R3HDM1: variants seen among roughly 807,000 people sequenced by gnomAD.
The protein encoded by R3HDM1 is R3H domain containing 1.
A neutral mutation model predicts 141.1 loss-of-function variants in R3HDM1; 46 were observed. The ratio of observed to expected loss-of-function variants is 0.33; its 90% CI spans 0.26 to 0.42. The LOEUF is 0.42. Ranked by LOEUF, R3HDM1 falls within the 10% of genes least tolerant of loss-of-function variation. The pLI is 1.00. For synonymous variants in R3HDM1, 435 were observed against 472.9 expected, an observed-to-expected ratio of 0.92 and a Z score of 1.04; for missense variants, 1,184 against 1,368.3, an observed-to-expected ratio of 0.87 and a Z score of 2.12.
At chr2:135,647,950 T>C (rs1345240314) in intron 16 of R3HDM1, among the ~76,000 whole-genome samples, 1 of 152,216 alleles carries the variant, frequency 6.6e-6, no homozygotes, top group South Asian at 2.1e-4. Flanking sequence ...CGGGAAGACA[T>C]TAATTCATAC....
At chr2:135,654,953 G>A (rs2065644030) in intron 18 of R3HDM1, among the ~76,000 whole-genome samples, 1 of 150,572 alleles carries the variant, frequency 6.6e-6, no homozygotes, top group African/African-American at 2.4e-5. Context: ...CTGGATACTA[G>A]ACCCTTGTCA....
At chr2:135,592,732 C>A (rs1399127998) in intron 1 of R3HDM1, among the ~76,000 whole-genome samples, 1 of 151,142 alleles carries the variant, frequency 6.6e-6, no homozygotes, top group African/African-American at 2.4e-5. Context: ...TTTTTTTCCT[C>A]CATGTAGTTT....
chr2:135,532,836 G>C (rs1695214845), intron 1 of R3HDM1, among the ~76,000 whole-genome samples: 1 of 152,186 alleles, frequency 6.6e-6, no homozygotes, highest in Non-Finnish European at 1.5e-5. Flanking sequence ...ATCACATTTT[G>C]ATGGAGTACG....
chr2:135,618,713 A>G (rs1448589864), intron 5 of R3HDM1, among the ~76,000 whole-genome samples: 2 of 152,132 alleles, frequency 1.3e-5, no homozygotes, highest in Non-Finnish European at 2.9e-5. Context: ...GTTTTTTGAA[A>G]CAGCACTTTT....
At chr2:135,573,226 T>C (rs1704553102) in intron 1 of R3HDM1, among the ~76,000 whole-genome samples, 1 of 152,220 alleles carries the variant, frequency 6.6e-6, no homozygotes, top group South Asian at 2.1e-4. Flanking sequence ...ACAGTAGTGG[T>C]CATCGATCTA....
chr2:135,646,008 A>G (rs1191043515), intron 16 of R3HDM1, among the ~76,000 whole-genome samples: 1 of 152,136 alleles, frequency 6.6e-6, no homozygotes, highest in Non-Finnish European at 1.5e-5. Flanking sequence ...TCTCAGTAAT[A>G]TTTTGAGTTT....
At chr2:135,650,707 G>T in intron 17 of R3HDM1, 1 of 982,688 alleles carries the variant, frequency 1.0e-6, no homozygotes, top group Non-Finnish European at 1.2e-6. Flanking sequence ...AGTGACAGTT[G>T]GGGAAGAGAA....
intron 1 of R3HDM1, among the ~76,000 whole-genome samples, chr2:135,537,474 C>A (rs1410712403): frequency 6.6e-6 from 1 of 150,922 alleles, no homozygotes; most frequent in East Asian, 1.9e-4. Context: ...TTAGTAGAGA[C>A]AGGATTTTGC....
chr2:135,671,614 C>A lies in R3HDM1; in HGVS notation c.2153-3718C>A, dbSNP rs372223174. On this transcript the variant is annotated intron_variant, in intron 19 of 26. Transcript: ENST00000683871. ...GAACTCCTGACGTCAGGTGATCTACCCACCTCGGCCTCCCAAAGTGCTGGG... is the reference window on the plus strand; with the variant it reads ...GAACTCCTGACGTCAGGTGATCTACACACCTCGGCCTCCCAAAGTGCTGGG... 3.3e-5 allele frequency among the ~76,000 whole-genome samples: 5 copies of A among 151,736 alleles called. No homozygotes were observed. The East Asian group carries it at 9.9e-4, about 30-fold the overall frequency.
intron 1 of R3HDM1, among the ~76,000 whole-genome samples, chr2:135,564,232 C>T (rs936974122): frequency 9.2e-5 from 14 of 152,182 alleles, no homozygotes; most frequent in Non-Finnish European, 1.6e-4. Context: ...TTCTTTCTTA[C>T]CATGTGTAAT....
At chr2:135,672,737 T>TTGTGTGTGTGCTTGTG (rs1342047382) in intron 19 of R3HDM1, among the ~76,000 whole-genome samples, 1 of 151,894 alleles carries the variant, frequency 6.6e-6, no homozygotes, top group East Asian at 1.9e-4. Flanking sequence ...GTGCGTGTGT[T>TTGTGTGTGTGCTTGTG]TGTGTGTGTG....
intron 21 of R3HDM1, among the ~76,000 whole-genome samples, chr2:135,686,714 A>G (rs313525): frequency 0.029 from 4,464 of 152,262 alleles, 200 homozygotes; most frequent in African/African-American, 0.093. Flanking sequence ...ATTCCAGCTT[A>G]GGCGACAGAG....
At chr2:135,608,364 T>C (rs986403899) in intron 3 of R3HDM1, among the ~76,000 whole-genome samples, 3 of 151,942 alleles carry the variant, frequency 2.0e-5, no homozygotes, top group Non-Finnish European at 4.4e-5. Flanking sequence ...GTAAGAATAT[T>C]GACCCTGCTT....
At chr2:135,644,728 T>C (rs1448863335) in intron 15 of R3HDM1, among the ~76,000 whole-genome samples, 1 of 152,166 alleles carries the variant, frequency 6.6e-6, no homozygotes, top group African/African-American at 2.4e-5. Flanking sequence ...AACTGAAATA[T>C]AGCCTTATAG....
At chr2:135,596,061 C>T (rs577451932) in intron 1 of R3HDM1, among the ~76,000 whole-genome samples, 75 of 152,178 alleles carry the variant, frequency 4.9e-4, no homozygotes, top group African/African-American at 1.7e-3. Flanking sequence ...TGCAGTGGTG[C>T]GATCTCAGCT....
intron 18 of R3HDM1, among the ~76,000 whole-genome samples, chr2:135,660,248 T>G (rs1046240642): frequency 1.1e-4 from 17 of 152,034 alleles, no homozygotes; most frequent in South Asian, 2.1e-4. Flanking sequence ...AGTTTTTTGG[T>G]TTTTTTTGGG....
At chr2:135,709,406 T>C (rs2075360253) in intron 21 of R3HDM1, 27 bp from the exon 22 acceptor site, 1 of 1,613,032 alleles carries the variant, frequency 6.2e-7, no homozygotes, top group African/African-American at 1.3e-5. Context: ...CTCCTCTCAT[T>C]ATGCTGTTTT....
rs1467777683 is a variant in R3HDM1 at position 135,616,753 on chromosome 2, A to C, written c.299A>C (p.Asn100Thr). ...CCTGCACCAGAGATATCACAGGAGA[A>C]CCAGGTAAAAAAGCAAAACAAATGT... ...PPPAPEISQE[N>T]QEKIQIQLTQ... The change falls in exon 5 of 27, where the codon AAC (asparagine) becomes ACC (threonine). Residue 100 changes from asparagine to threonine, a missense_variant. By Grantham distance (65) the Asn-to-Thr change is moderately conservative (BLOSUM62 0). Around this residue, in one of 5 missense-constraint regions of R3HDM1, gnomAD observed 192 missense variants for 215.7 expected, o/e 0.89. Coordinates refer to ENST00000683871, the MANE Select transcript of R3HDM1 (RefSeq NM_001378107.1). 2 of 1,597,012 alleles carry C rather than the reference A, an allele frequency of 1.3e-6. No homozygotes were observed. Among genetic ancestry groups the C allele is most frequent in the Non-Finnish European group, 1.7e-6 (2 of 1,167,458 alleles).
At chr2:135,549,139 G>A (rs1699315433) in intron 1 of R3HDM1, among the ~76,000 whole-genome samples, 1 of 152,070 alleles carries the variant, frequency 6.6e-6, no homozygotes. Context: ...ATATTAATTA[G>A]GTGTAATTAA....
Sources: gnomAD v4.1 joint callset for allele counts (sites outside exome capture counted in the v4.1 genomes callset) on GRCh38, gnomAD v4.1.1 for gene constraint, gnomAD v4.1.1 regional missense constraint, MANE v1.5 for transcripts, NCBI Gene and HGNC (gene_info 2026-07-23, HGNC 2026-07-21) for gene names.